The following CERT1 variants were observed in gnomAD, a reference collection of about 807,000 sequenced individuals.
CERT1 encodes the protein ceramide transporter 1.
CERT1 carries 31 observed loss-of-function variants against 87.9 expected under a neutral mutation model. The ratio of observed to expected loss-of-function variants is 0.35; its 90% confidence interval spans 0.27 to 0.48. The LOEUF (loss-of-function observed/expected upper bound fraction) is 0.48, where lower values mean the gene tolerates loss of function less well. Among genes scored for constraint, CERT1 ranks in the 20% least tolerant of loss-of-function variants. CERT1 has a pLI of 0.99. For missense variants in CERT1, 487 were observed against 758.0 expected (o/e 0.64, Z 4.20); for synonymous variants, 289 against 250.9 (o/e 1.15, Z -1.44).
At chr5:75,433,942 T>C (rs1044494531) in intron 3 of CERT1, among the ~76,000 whole-genome samples, 10 of 152,210 alleles carry the variant, frequency 6.6e-5, no homozygotes, top group Non-Finnish European at 1.5e-4. Flanking sequence ...TCTGTGAAGA[T>C]AGTCTGACTT....
intron 3 of CERT1, among the ~76,000 whole-genome samples, chr5:75,435,609 T>A (rs1030241746): frequency 1.3e-5 from 2 of 152,166 alleles, no homozygotes; most frequent in Non-Finnish European, 2.9e-5. Flanking sequence ...TTTTTTTATA[T>A]TGTTTGAGGC....
chr5:75,393,030 TAAAA>T (rs200417790), intron 11 of CERT1, among the ~76,000 whole-genome samples: 1 of 111,032 alleles, frequency 9.0e-6, no homozygotes, highest in Non-Finnish European at 2.0e-5. Context: ...TAAGTTTCAT[TAAAA>T]AAAAAACAAA....
chr5:75,395,171 T>C (rs1426970137), intron 11 of CERT1, among the ~76,000 whole-genome samples: 2 of 152,230 alleles, frequency 1.3e-5, no homozygotes, highest in African/African-American at 2.4e-5. Flanking sequence ...TCTTTTTCAA[T>C]AGAGGATGAT....
intron 2 of CERT1, among the ~76,000 whole-genome samples, chr5:75,504,137 C>T (rs1173767635): frequency 2.0e-5 from 3 of 151,832 alleles, no homozygotes; most frequent in Non-Finnish European, 4.4e-5. Context: ...AATAATAATA[C>T]GCAAAAGAAG....
chr5:75,501,487 A>G (rs1580863326), intron 2 of CERT1, among the ~76,000 whole-genome samples: 1 of 152,336 alleles, frequency 6.6e-6, no homozygotes, highest in Non-Finnish European at 1.5e-5. Context: ...GAACTTAGGA[A>G]AACTAATTCT....
chr5:75,472,963 A>G (rs1765781992), intron 2 of CERT1, among the ~76,000 whole-genome samples: 1 of 152,206 alleles, frequency 6.6e-6, no homozygotes, highest in African/African-American at 2.4e-5. Flanking sequence ...TGTACTTCCT[A>G]CTTTTATTAT....
intron 17 of CERT1, chr5:75,369,862 T>C (rs1245326511): frequency 6.6e-6 from 1 of 152,250 alleles, no homozygotes. Context: ...TGTGCAAGGC[T>C]ATTCAAAGTA....
At chr5:75,434,371 T>A (rs562049037) in intron 3 of CERT1, among the ~76,000 whole-genome samples, 1 of 152,184 alleles carries the variant, frequency 6.6e-6, no homozygotes, top group African/African-American at 2.4e-5. Flanking sequence ...TGGTGGTGTT[T>A]TGACGTGCTG....
At chr5:75,493,538 AG>A (rs1766906306) in intron 2 of CERT1, among the ~76,000 whole-genome samples, 1 of 152,220 alleles carries the variant, frequency 6.6e-6, no homozygotes. Flanking sequence ...AGAAGTCCAC[AG>A]TCATTTTGAA....
chr5:75,412,594 G>A (rs1762975635), intron 7 of CERT1, among the ~76,000 whole-genome samples: 1 of 152,146 alleles, frequency 6.6e-6, no homozygotes, highest in Non-Finnish European at 1.5e-5. Context: ...AACCTAGATG[G>A]TATAGCCTAC....
chr5:75,510,966 G>T, intron 1 of CERT1, 146 bp downstream of exon 1: 1 of 1,137,048 alleles, frequency 8.8e-7, no homozygotes, highest in Non-Finnish European at 1.2e-6. Flanking sequence ...CTATATCCCC[G>T]CCTCATCCCT....
At chr5:75,477,332 C>T (rs913939907) in intron 2 of CERT1, among the ~76,000 whole-genome samples, 1 of 152,012 alleles carries the variant, frequency 6.6e-6, no homozygotes. Context: ...GGGCTGAAGA[C>T]AGGGCAGGTT....
chr5:75,506,994 A>C (rs1314803620), intron 1 of CERT1, among the ~76,000 whole-genome samples: 1 of 152,240 alleles, frequency 6.6e-6, no homozygotes, highest in Non-Finnish European at 1.5e-5. Context: ...ACTATCTGCC[A>C]ATTCCAAAAA....
At chr5:75,502,620 T>G (rs182365591) in intron 2 of CERT1, among the ~76,000 whole-genome samples, 55 of 152,246 alleles carry the variant, frequency 3.6e-4, no homozygotes, top group African/African-American at 1.3e-3. Context: ...AAACAAATCC[T>G]TGTATAGTCC....
intron 2 of CERT1, among the ~76,000 whole-genome samples, chr5:75,494,604 C>T (rs1175747486): frequency 6.6e-6 from 1 of 152,158 alleles, no homozygotes; most frequent in East Asian, 1.9e-4. Context: ...AACTCATCTT[C>T]CTTATACACT....
chr5:75,389,658 A>C lies in CERT1; in HGVS notation c.1218T>G (p.Thr406=). 6.2e-7 allele frequency: 1 copy of C among 1,614,078 alleles called. No homozygotes were observed. Among genetic ancestry groups the C allele is most frequent in the Non-Finnish European group, 8.5e-7 (1 of 1,179,962 alleles). ...CTCCGCCTACATCCTGTAATGAGTA[A>C]GTCATGTGGTTCTGCACCATCTCTT... The part of the protein sequence containing the change: ...QVEEMVQNHM[T]YSLQDVGGDA... The change falls in exon 12 of 17, where the codon ACT becomes ACG. Residue 406 remains threonine (T), a synonymous_variant. Transcript: ENST00000643780.
intron 2 of CERT1, among the ~76,000 whole-genome samples, chr5:75,475,109 GT>G (rs1429539828): frequency 2.0e-5 from 3 of 152,116 alleles, no homozygotes; most frequent in African/African-American, 7.2e-5. Context: ...CATCTTGTCA[GT>G]GCCCCAGACA....
intron 2 of CERT1, among the ~76,000 whole-genome samples, chr5:75,463,591 T>A (rs1765330525): frequency 6.6e-6 from 1 of 152,190 alleles, no homozygotes; most frequent in Non-Finnish European, 1.5e-5. Context: ...AAAAAACTTA[T>A]CACCAAAATT....
chr5:75,453,823 T>C (rs1047432176), intron 3 of CERT1, among the ~76,000 whole-genome samples: 1 of 4,302 alleles, frequency 2.3e-4, no homozygotes, highest in Non-Finnish European at 4.4e-4. Context: ...CGTGTATGTA[T>C]GTGAGAGAGA....
Sources: gnomAD v4.1 joint callset for allele counts (sites outside exome capture counted in the v4.1 genomes callset) on GRCh38, gnomAD v4.1.1 for gene constraint, MANE v1.5 for transcripts, NCBI Gene and HGNC (gene_info 2026-07-23, HGNC 2026-07-21) for gene names.